The following ALX4 variants were observed in gnomAD, a reference collection of about 807,000 sequenced individuals.
The protein encoded by ALX4 is ALX homeobox 4.
A neutral mutation model predicts 40.6 loss-of-function variants in ALX4; 22 were observed. The ratio of observed to expected loss-of-function variants is 0.54; its 90% CI spans 0.39 to 0.77. The LOEUF is 0.77. Among genes scored for constraint, ALX4 ranks in the 30% least tolerant of loss-of-function variants. ALX4 has a pLI of 0.00. For missense variants in ALX4, 556 were observed against 564.8 expected (o/e 0.98, Z 0.16); for synonymous variants, 266 against 240.5 (o/e 1.11, Z -0.98).
chr11:44,286,402 C>T (rs1287544428), intron 1 of ALX4, among the ~76,000 whole-genome samples: 2 of 152,174 alleles, frequency 1.3e-5, no homozygotes, highest in African/African-American at 4.8e-5. Context: ...CCGGCCCTGG[C>T]TGCTTACCCA....
At position 44,293,153 on chromosome 11, in the gene ALX4, A is replaced by C. The variant is rs1408833132; in HGVS notation, c.466+16444T>G. Among the ~76,000 whole-genome samples, 207 of 68,870 alleles carry C rather than the reference A, an allele frequency of 3.0e-3. 6 individuals carry two copies. The highest frequency in any genetic ancestry group is 4.4e-3 in the Non-Finnish European group (140 of 31,498). 45.2% of individuals were successfully genotyped at this position (68,870 alleles called of 152,430 possible). A position where few individuals can be genotyped will look rare whatever the true frequency, so the allele number is the denominator to read the frequency against. On this transcript the variant is annotated intron_variant, in intron 1 of 3. Coordinates refer to ENST00000652299, the MANE Select transcript of ALX4 (RefSeq NM_021926.4). The stretch of plus-strand genomic sequence containing the variant: ...GAAGGAAGGAAGGAAGGAAGGAAGG[A>C]AGGAAGGAAGGAAGGAAGCAGGCAG...
At chr11:44,287,595 C>CAAAAA (rs201040076) in intron 1 of ALX4, among the ~76,000 whole-genome samples, 5 of 130,658 alleles carry the variant, frequency 3.8e-5, no homozygotes, top group African/African-American at 8.6e-5. Context: ...AGACCTGTCT[C>CAAAAA]AAAAAAAAAA....
At chr11:44,291,398 ATTTC>A (rs778372093) in intron 1 of ALX4, among the ~76,000 whole-genome samples, 1 of 101,570 alleles carries the variant, frequency 9.8e-6, no homozygotes, top group African/African-American at 3.5e-5. Context: ...AAACAATTGA[ATTTC>A]TTTCTTTCTT....
chr11:44,266,858 G>C (rs1590686309), intron 3 of ALX4, among the ~76,000 whole-genome samples: 1 of 152,196 alleles, frequency 6.6e-6, no homozygotes, highest in Non-Finnish European at 1.5e-5. Context: ...GGGGGGAGGG[G>C]AGGACAGGGC....
chr11:44,272,502 TAA>T (rs35228227), intron 2 of ALX4, among the ~76,000 whole-genome samples: 35,333 of 144,816 alleles, frequency 0.24, 4,260 homozygotes, highest in Middle Eastern at 0.31. Context: ...AGACTCTGTC[TAA>T]AAAAAAAAAA....
At chr11:44,290,552 G>A (rs1255263388) in intron 1 of ALX4, among the ~76,000 whole-genome samples, 3 of 152,246 alleles carry the variant, frequency 2.0e-5, no homozygotes, top group African/African-American at 7.2e-5. Flanking sequence ...CCAGCCTTGG[G>A]GCGACTCCAG....
chr11:44,307,893 C>CGTGTGTGGAGCTGTGGGTGTCT (rs1565012494), intron 1 of ALX4, among the ~76,000 whole-genome samples: 2 of 146,702 alleles, frequency 1.4e-5, no homozygotes, highest in Admixed American at 1.4e-4. Flanking sequence ...TGTGGGTGTC[C>CGTGTGTGGAGCTGTGGGTGTCT]GTGTGTGGAG....
chr11:44,273,632 T>G (rs1489786204), intron 2 of ALX4, among the ~76,000 whole-genome samples: 4 of 152,188 alleles, frequency 2.6e-5, no homozygotes, highest in African/African-American at 9.6e-5. Flanking sequence ...TAAAATAACG[T>G]AAGCCAGTCA....
chr11:44,273,194 A>T (rs78168222), intron 2 of ALX4, among the ~76,000 whole-genome samples: 50 of 144,362 alleles, frequency 3.5e-4, no homozygotes, highest in African/African-American at 6.4e-4. Flanking sequence ...GCTGATTAAA[A>T]AAAAAAAAAA....
chr11:44,276,450 C>T (rs566566503), intron 1 of ALX4, among the ~76,000 whole-genome samples: 9 of 152,348 alleles, frequency 5.9e-5, no homozygotes, highest in South Asian at 2.1e-4. Flanking sequence ...CCAGCCACTG[C>T]GTCTGGCAGA....
At chr11:44,280,365 G>A (rs558083666) in intron 1 of ALX4, among the ~76,000 whole-genome samples, 16 of 152,340 alleles carry the variant, frequency 1.1e-4, no homozygotes, top group African/African-American at 2.4e-4. Context: ...AGAGAAGACC[G>A]CCAGGGAGCT....
intron 1 of ALX4, among the ~76,000 whole-genome samples, chr11:44,288,219 A>G (rs1007554075): frequency 6.6e-6 from 1 of 151,846 alleles, no homozygotes; most frequent in Non-Finnish European, 1.5e-5. Flanking sequence ...ACAGCTGTAT[A>G]TCGTATGCAT....
At chr11:44,306,174 C>T (rs1221029300) in intron 1 of ALX4, among the ~76,000 whole-genome samples, 1 of 152,206 alleles carries the variant, frequency 6.6e-6, no homozygotes, top group Non-Finnish European at 1.5e-5. Context: ...GGTGGGGGCT[C>T]TTTCGTAAAA....
chr11:44,298,132 G>C (rs1306615445), intron 1 of ALX4, among the ~76,000 whole-genome samples: 5 of 152,212 alleles, frequency 3.3e-5, no homozygotes, highest in Non-Finnish European at 7.3e-5. Flanking sequence ...AGGAGCTTTT[G>C]CCAGGCGCAC....
rs949783087 is a variant in ALX4, at chr11:44,264,613, A to G, written c.*241T>C. On this transcript the variant is annotated 3_prime_UTR_variant, in exon 4 of 4. Coordinates refer to ENST00000652299, the MANE Select transcript of ALX4 (RefSeq NM_021926.4). Reference sequence around the variant, plus strand: ...AAAACGTGGCCACCTGGCTTTCTCCACTGCCTGTGGCCGGGAGCAGGGGTC... The same window carrying G: ...AAAACGTGGCCACCTGGCTTTCTCCGCTGCCTGTGGCCGGGAGCAGGGGTC... 2 of 584,894 alleles carry G rather than the reference A, an allele frequency of 3.4e-6. No individual in the cohort carries two copies. Among genetic ancestry groups the G allele is most frequent in the Non-Finnish European group, 6.1e-6 (2 of 330,252 alleles). The allele number at this position is 584,894 out of a possible 1,614,324, so 36.2% of individuals were successfully genotyped here. A position where few individuals can be genotyped will look rare whatever the true frequency, so the allele number is the denominator to read the frequency against.
chr11:44,261,622 G>C lies in ALX4; in HGVS notation c.*3232C>G, dbSNP rs1388257966. 6.6e-6 allele frequency: 1 copy of C among 152,240 alleles called. No individual in the cohort carries two copies. The highest frequency in any genetic ancestry group is 6.5e-5 in the Admixed American group (1 of 15,278). 9.4% of individuals were successfully genotyped at this position (152,240 alleles called of 1,614,324 possible). A position where few individuals can be genotyped will look rare whatever the true frequency, so the allele number is the denominator to read the frequency against. ...CTCCCATGCCCCAGGAGTAGTGCTG[G>C]CATCTGGAGGGCAGTAGCAGCACCT... On this transcript the variant is annotated 3_prime_UTR_variant, in exon 4 of 4. Transcript: ENST00000652299.
intron 1 of ALX4, among the ~76,000 whole-genome samples, chr11:44,307,294 G>A (rs1281899047): frequency 6.6e-6 from 1 of 152,220 alleles, no homozygotes; most frequent in African/African-American, 2.4e-5. Flanking sequence ...ACCGGGGTTT[G>A]GGAAGGTGTT....
chr11:44,304,383 G>A (rs1227136127), intron 1 of ALX4, among the ~76,000 whole-genome samples: 1 of 152,202 alleles, frequency 6.6e-6, no homozygotes, highest in African/African-American at 2.4e-5. Flanking sequence ...CTGAGGCTCC[G>A]GGGGCAGGAA....
intron 2 of ALX4, 129 bp downstream of exon 2, chr11:44,275,219 G>A (rs926478089): frequency 4.5e-5 from 43 of 954,374 alleles, no homozygotes; most frequent in Non-Finnish European, 5.4e-5. Context: ...CCACTTTCAG[G>A]TTCTCAATGA....
Sources: gnomAD v4.1 joint callset for allele counts (sites outside exome capture counted in the v4.1 genomes callset) on GRCh38, gnomAD v4.1.1 for gene constraint, MANE v1.5 for transcripts, NCBI Gene and HGNC (gene_info 2026-07-23, HGNC 2026-07-21) for gene names.